HLF: variants seen among roughly 807,000 people sequenced by gnomAD.
HLF encodes the protein hepatic leukemia factor.
In HLF, 3 loss-of-function variants were observed where a neutral mutation model predicts 22.6. That is an observed-to-expected ratio of 0.13 (90% CI 0.06 to 0.34). The LOEUF is 0.34. Among genes scored for constraint, HLF ranks in the 10% least tolerant of loss-of-function variants. The probability of loss-of-function intolerance (pLI) is 1.00; values close to 1 mark genes in which losing one functional copy is unlikely to be tolerated. For missense variants in HLF, 299 were observed against 389.2 expected, an observed-to-expected ratio of 0.77 and a Z score of 1.95; for synonymous variants, 151 against 151.8, an observed-to-expected ratio of 0.99 and a Z score of 0.04.
At position 55,265,233 on chromosome 17, in the gene HLF, G is replaced by A. The variant is rs2080776317; in HGVS notation, c.-252G>A. On this transcript the variant is annotated 5_prime_UTR_variant, in exon 1 of 4. Coordinates refer to ENST00000226067, the MANE Select transcript of HLF (RefSeq NM_002126.5). ...AGGTGAGAGCATCCTGCACGTCGCC[G>A]GGGAGCCCGCGGGCACTTGGCGCGC... The A allele has an allele frequency of 1.1e-5, 4 of 372,250 alleles. No individual in the cohort carries two copies. The highest frequency in any genetic ancestry group is 1.4e-3 in the Middle Eastern group (2 of 1,434). 23.1% of individuals were successfully genotyped at this position (372,250 alleles called of 1,614,324 possible).
chr17:55,294,180 C>T (rs1024714713), intron 2 of HLF, among the ~76,000 whole-genome samples: 1 of 152,178 alleles, frequency 6.6e-6, no homozygotes, highest in African/African-American at 2.4e-5. Flanking sequence ...GCTAAACCCA[C>T]GGCACAGTCC....
chr17:55,265,525 T>C lies in HLF; in HGVS notation c.41T>C (p.Phe14Ser), dbSNP rs778464774. 1.9e-6 allele frequency: 3 copies of C among 1,609,710 alleles called. No homozygotes were observed. The highest frequency in any genetic ancestry group is 2.5e-6 in the Non-Finnish European group (3 of 1,177,948). Residue 14 changes from phenylalanine (F) to serine (S), a missense_variant, in exon 1 of 4, where the codon TTT (phenylalanine) becomes TCT (serine). Coordinates refer to ENST00000226067, the MANE Select transcript of HLF (RefSeq NM_002126.5). ...CGACCGCTCCCCCTGAATCCCACCT[T>C]TATCCCGCCTCCCTACGGCGTGCTC... The part of the protein sequence containing the change: ...MSRPLPLNPT[F>S]IPPPYGVLRS...
intron 2 of HLF, among the ~76,000 whole-genome samples, chr17:55,293,713 A>T (rs549443116): frequency 2.2e-4 from 34 of 152,308 alleles, no homozygotes; most frequent in Admixed American, 7.8e-4. Context: ...GGGCTGGAAC[A>T]TGAAGCCACA....
intron 2 of HLF, among the ~76,000 whole-genome samples, chr17:55,300,204 T>A (rs2081145209): frequency 6.6e-6 from 1 of 152,200 alleles, no homozygotes. Context: ...TCTTGAGGGA[T>A]CAACAGTGTA....
At chr17:55,284,068 A>G (rs1245539993) in intron 2 of HLF, 2 of 152,144 alleles carry the variant, frequency 1.3e-5, no homozygotes, top group African/African-American at 2.4e-5. Flanking sequence ...GTAAGGTTTG[A>G]ACTCTTCAGA....
chr17:55,276,551 G>C (rs1033652703), intron 2 of HLF, among the ~76,000 whole-genome samples: 1 of 152,208 alleles, frequency 6.6e-6, no homozygotes, highest in African/African-American at 2.4e-5. Flanking sequence ...CCCGGAAGGA[G>C]GGGTGAGAGA....
intron 1 of HLF, 50 bp from the exon 2 acceptor site, chr17:55,267,701 T>C (rs1236769620): frequency 6.7e-6 from 9 of 1,340,354 alleles, no homozygotes; most frequent in Non-Finnish European, 9.2e-6. Context: ...AGCGGTATTG[T>C]TTTTCTTTTC....
chr17:55,267,460 T>G (rs938857696), intron 1 of HLF: 5 of 299,676 alleles, frequency 1.7e-5, no homozygotes, highest in Non-Finnish European at 3.1e-5. Context: ...ATTACTCTTC[T>G]CAAATAATGT....
At chr17:55,286,160 T>C (rs944358764) in intron 2 of HLF, among the ~76,000 whole-genome samples, 1 of 152,204 alleles carries the variant, frequency 6.6e-6, no homozygotes, top group East Asian at 1.9e-4. Flanking sequence ...ACCTTTCTAA[T>C]GTTGGTCCAA....
At chr17:55,286,317 G>A (rs751249940) in intron 2 of HLF, among the ~76,000 whole-genome samples, 5 of 149,732 alleles carry the variant, frequency 3.3e-5, no homozygotes, top group East Asian at 3.9e-4. Context: ...TTTACCTCTC[G>A]ATAGTACCCC....
At chr17:55,270,960 TTACGCTTTA>T (rs2080850247) in intron 2 of HLF, among the ~76,000 whole-genome samples, 1 of 152,150 alleles carries the variant, frequency 6.6e-6, no homozygotes, top group Non-Finnish European at 1.5e-5. Context: ...ATCTTGTGTC[TTACGCTTTA>T]TAGGATGCTT....
intron 2 of HLF, among the ~76,000 whole-genome samples, chr17:55,295,186 T>G (rs1052655075): frequency 3.3e-5 from 5 of 152,168 alleles, no homozygotes; most frequent in African/African-American, 1.2e-4. Context: ...CAGCTCTGAA[T>G]AGAGTGAGGA....
intron 2 of HLF, among the ~76,000 whole-genome samples, chr17:55,298,441 C>A (rs887806143): frequency 6.6e-6 from 1 of 152,184 alleles, no homozygotes; most frequent in African/African-American, 2.4e-5. Context: ...GCACACAAAC[C>A]TTACCTTATG....
chr17:55,308,154 G>A (rs770390165), intron 2 of HLF, among the ~76,000 whole-genome samples: 6 of 152,256 alleles, frequency 3.9e-5, no homozygotes, highest in South Asian at 2.1e-4. Context: ...GACCCACACG[G>A]GTCTGCATGT....
At chr17:55,310,296 A>G (rs191357565) in intron 2 of HLF, among the ~76,000 whole-genome samples, 33 of 152,368 alleles carry the variant, frequency 2.2e-4, no homozygotes, top group East Asian at 5.8e-4. Flanking sequence ...CTTGTCCACT[A>G]TGGATCTTTT....
Position 55,276,554 on chromosome 17 carries a change from G to A in HLF, c.451+8468G>A, listed in dbSNP as rs2080906062. ...GCCTGTGATGGGCCCGGAAGGAGGG[G>A]TGAGAGAGCCAGATTGGAGAGGTTA... On this transcript the variant is annotated intron_variant, in intron 2 of 3. Coordinates refer to ENST00000226067, the MANE Select transcript of HLF (RefSeq NM_002126.5). Among the ~76,000 whole-genome samples, 3 of 152,212 alleles carry A rather than the reference G, an allele frequency of 2.0e-5. No homozygotes were observed. In the South Asian group the frequency reaches 6.2e-4, roughly 31 times the overall value.
At chr17:55,306,785 T>C (rs1904587147) in intron 2 of HLF, among the ~76,000 whole-genome samples, 1 of 152,134 alleles carries the variant, frequency 6.6e-6, no homozygotes, top group Non-Finnish European at 1.5e-5. Flanking sequence ...TGCCTTTCTT[T>C]CCTTCCATAA....
chr17:55,274,818 A>G (rs2080891294), intron 2 of HLF, among the ~76,000 whole-genome samples: 1 of 152,242 alleles, frequency 6.6e-6, no homozygotes, highest in African/African-American at 2.4e-5. Flanking sequence ...GTGCTTAATA[A>G]CAGCTGCTGC....
chr17:55,275,099 G>T (rs2080893923), intron 2 of HLF, among the ~76,000 whole-genome samples: 1 of 152,026 alleles, frequency 6.6e-6, no homozygotes, highest in African/African-American at 2.4e-5. Flanking sequence ...AAGTTTTTTT[G>T]TTTGTTTGTT....
Sources: allele counts gnomAD v4.1 joint callset (sites outside exome capture counted in the v4.1 genomes callset), GRCh38; gene constraint gnomAD v4.1.1; transcripts MANE v1.5; gene names NCBI Gene and HGNC (gene_info 2026-07-23, HGNC 2026-07-21).